USP34: variants seen among roughly 807,000 people sequenced by gnomAD.
USP34 encodes the protein ubiquitin carboxyl-terminal hydrolase 34.
USP34 carries 70 observed loss-of-function variants against 460.3 expected under a neutral mutation model. The ratio of observed to expected loss-of-function variants is 0.15; its 90% CI spans 0.13 to 0.19. USP34 has a LOEUF of 0.19. Among genes scored for constraint, USP34 ranks in the 10% least tolerant of loss-of-function variants. USP34 has a pLI of 1.00. For missense variants in USP34, 3,985 were observed against 4,236.2 expected, an observed-to-expected ratio of 0.94 and a Z score of 1.65; for synonymous variants, 1,647 against 1,405.3, an observed-to-expected ratio of 1.17 and a Z score of -3.85.
chr2:61,426,446 G>C (rs191269904), intron 1 of USP34, among the ~76,000 whole-genome samples: 1 of 152,152 alleles, frequency 6.6e-6, no homozygotes, highest in Non-Finnish European at 1.5e-5. Context: ...GAGAAACATC[G>C]GTGAGTCTGG....
At chr2:61,460,988 A>G (rs1473591147) in intron 1 of USP34, among the ~76,000 whole-genome samples, 1 of 151,854 alleles carries the variant, frequency 6.6e-6, no homozygotes, top group Non-Finnish European at 1.5e-5. Context: ...CTCAAAAAAA[A>G]AAAAAGAAAA....
At chr2:61,244,667 G>T (rs1480362139) in intron 51 of USP34, among the ~76,000 whole-genome samples, 1 of 151,524 alleles carries the variant, frequency 6.6e-6, no homozygotes, top group East Asian at 1.9e-4. Flanking sequence ...CATAGAAGAT[G>T]TCCTTTTTCT....
Position 61,395,210 on chromosome 2 carries a change from G to T in USP34, c.576C>A (p.Asn192Lys). The stretch of plus-strand genomic sequence containing the variant: ...TCATATCACAGAATGCCCCTAATAT[G>T]TTACTTTCTTGAGTTGATATATCCT... ...TIEDISTQES[N>K]ILGAFCDMND... is the part of the protein sequence containing the mutation. Residue 192 changes from asparagine to lysine, a missense_variant, in exon 4 of 80, where the codon AAC (asparagine) becomes AAA (lysine). This residue lies in a region of USP34 where 331 missense variants were observed against 293.7 expected (regional missense o/e 1.13). Coordinates refer to ENST00000398571, the MANE Select transcript of USP34 (RefSeq NM_014709.4). 2 of 1,482,146 alleles carry T rather than the reference G, an allele frequency of 1.3e-6. No homozygotes were observed. Among genetic ancestry groups the T allele is most frequent in the Non-Finnish European group, 1.8e-6 (2 of 1,082,154 alleles). 91.8% of individuals were successfully genotyped at this position (1,482,146 alleles called of 1,614,324 possible).
chr2:61,233,843 T>G (rs1456709805), intron 57 of USP34, among the ~76,000 whole-genome samples: 1 of 140,154 alleles, frequency 7.1e-6, no homozygotes, highest in Non-Finnish European at 1.5e-5. Flanking sequence ...ACTCTGGGGG[T>G]AAAAAAAAAA....
chr2:61,323,373 G>A (rs1000634707), intron 21 of USP34, among the ~76,000 whole-genome samples: 1 of 152,148 alleles, frequency 6.6e-6, no homozygotes, highest in Admixed American at 6.5e-5. Flanking sequence ...AGTTAGCTGG[G>A]TGTGGTGGTG....
rs1306917873 is a variant in USP34, at chr2:61,339,552, A to G, written c.2616+14T>C. 6.4e-7 allele frequency: 1 copy of G among 1,567,824 alleles called. No individual in the cohort carries two copies. The highest frequency in any genetic ancestry group is 8.6e-7 in the Non-Finnish European group (1 of 1,163,404). On this transcript the variant is annotated intron_variant, in intron 17 of 79. Transcript: ENST00000398571. Reference sequence around the variant, plus strand: ...TGAAATTTCTTACTCTTCTGGTTCTATTAAATAACTTACTGCATCTTCATC... The same window carrying G: ...TGAAATTTCTTACTCTTCTGGTTCTGTTAAATAACTTACTGCATCTTCATC...
At chr2:61,301,250 AAT>A (rs1376680218) in intron 28 of USP34, 90 bp from the exon 29 acceptor site, 246 of 1,509,384 alleles carry the variant, frequency 1.6e-4, no homozygotes, top group Non-Finnish European at 2.1e-4. Context: ...TTAAAATTTT[AAT>A]ATAACAAAGC....
intron 21 of USP34, among the ~76,000 whole-genome samples, chr2:61,320,945 G>C (rs1196020453): frequency 6.6e-6 from 1 of 152,130 alleles, no homozygotes; most frequent in Non-Finnish European, 1.5e-5. Flanking sequence ...GGGAGGTGGA[G>C]GTTGCAGTGA....
At chr2:61,243,168 C>CG (rs1169730940) in intron 51 of USP34, among the ~76,000 whole-genome samples, 2 of 148,490 alleles carry the variant, frequency 1.3e-5, no homozygotes, top group African/African-American at 5.0e-5. Context: ...TTTTTTGAGA[C>CG]GGAGTTTTGC....
rs76814145 is a variant in USP34 at position 61,274,419 on chromosome 2, A to C, written c.5433+3746T>G. 3.4e-4 allele frequency among the ~76,000 whole-genome samples: 52 copies of C among 150,954 alleles called. No homozygotes were observed. The East Asian group carries it at 9.0e-3, about 26-fold the overall frequency. ...AAATAAATAAATAAGAAACAAGCAT[A>C]ACAAAAAACATGAAGTCAAGACAGA... On this transcript the variant is annotated intron_variant, in intron 41 of 79. Transcript: ENST00000398571.
intron 55 of USP34, 42 bp from the exon 56 acceptor site, chr2:61,236,115 A>G: frequency 6.3e-7 from 1 of 1,595,842 alleles, no homozygotes; most frequent in South Asian, 1.2e-5. Context: ...ATCATTTTAA[A>G]GTAGTAAATT....
intron 62 of USP34, 78 bp from the exon 63 acceptor site, chr2:61,223,374 A>G: frequency 1.4e-6 from 2 of 1,390,310 alleles, no homozygotes; most frequent in Admixed American, 4.0e-5. Context: ...TGTATCAAAA[A>G]TTGTTGATTC....
chr2:61,200,217 A>C (rs1686934722), intron 75 of USP34: 1 of 152,262 alleles, frequency 6.6e-6, no homozygotes, highest in South Asian at 2.1e-4. Context: ...ACATGTGGCT[A>C]ATTAAAAAAA....
At position 61,296,790 on chromosome 2, in the gene USP34, G is replaced by A; in HGVS notation, c.4254+10C>T. 3.1e-6 allele frequency: 5 copies of A among 1,608,828 alleles called. No individual in the cohort carries two copies. The East Asian group carries it at 6.7e-5, about 22-fold the overall frequency. ...GCCTCTAGGAGAGTAAAGAGATTTT[G>A]TGGGCTCACCTGCTCATCTGAGATA... On this transcript the variant is annotated intron_variant, in intron 30 of 79. Coordinates refer to ENST00000398571, the MANE Select transcript of USP34 (RefSeq NM_014709.4).
rs60784334 is a variant in USP34 at position 61,220,151 on chromosome 2, T to TAAAA, written c.8047+155_8047+158dup. Reference sequence around the variant, plus strand: ...CAAGAAATAACATGGTTTCCTATCCTAAAAAAAAAAAAAAAAAAAAAAAAA... The same window carrying TAAAA: ...CAAGAAATAACATGGTTTCCTATCCTAAAAAAAAAAAAAAAAAAAAAAAAAAAAA... On this transcript the variant is annotated intron_variant, in intron 67 of 79. Coordinates refer to ENST00000398571, the MANE Select transcript of USP34 (RefSeq NM_014709.4). The TAAAA allele has an allele frequency of 9.4e-4, 159 of 169,384 alleles. 2 individuals carry two copies. Among genetic ancestry groups the TAAAA allele is most frequent in the African/African-American group, 1.6e-3 (42 of 26,610 alleles). 10.5% of individuals were successfully genotyped at this position (169,384 alleles called of 1,614,324 possible).
chr2:61,420,146 A>G (rs1477737472), intron 2 of USP34, among the ~76,000 whole-genome samples: 1 of 152,170 alleles, frequency 6.6e-6, no homozygotes, highest in Non-Finnish European at 1.5e-5. Context: ...TTACCCATAA[A>G]ATTTTTTAGA....
chr2:61,459,461 A>C (rs1695535427), intron 1 of USP34, among the ~76,000 whole-genome samples: 1 of 152,086 alleles, frequency 6.6e-6, no homozygotes, highest in Non-Finnish European at 1.5e-5. Context: ...CCACCTCCTA[A>C]AATTTGGGCA....
intron 25 of USP34, 107 bp from the exon 26 acceptor site, chr2:61,312,017 T>A: frequency 7.3e-7 from 1 of 1,375,360 alleles, no homozygotes; most frequent in Non-Finnish European, 9.7e-7. Context: ...AAAGAAGTTC[T>A]AAGTTCATTC....
At chr2:61,448,557 T>G (rs544174120) in intron 1 of USP34, among the ~76,000 whole-genome samples, 3 of 152,238 alleles carry the variant, frequency 2.0e-5, no homozygotes, top group Admixed American at 2.0e-4. Context: ...TAACCACTGA[T>G]CAAGCCAAAT....
Sources: gnomAD v4.1 joint callset for allele counts (sites outside exome capture counted in the v4.1 genomes callset) on GRCh38, gnomAD v4.1.1 for gene constraint, gnomAD v4.1.1 regional missense constraint, MANE v1.5 for transcripts, NCBI Gene and HGNC (gene_info 2026-07-23, HGNC 2026-07-21) for gene names.